The following TF variants were observed in gnomAD, a reference collection of about 807,000 sequenced individuals.
TF encodes the protein serotransferrin.
Under a neutral mutation model 82.4 loss-of-function variants are expected in TF, and 55 were observed. That is an observed-to-expected ratio of 0.67 (90% confidence interval 0.54 to 0.84). The LOEUF (loss-of-function observed/expected upper bound fraction) is 0.84, where lower values mean the gene tolerates loss of function less well. Among genes scored for constraint, TF ranks in the 40% least tolerant of loss-of-function variants. TF has a pLI of 0.00. For missense variants in TF, 737 were observed against 868.4 expected, an observed-to-expected ratio of 0.85 and a Z score of 1.90; for synonymous variants, 332 against 332.6, an observed-to-expected ratio of 1.00 and a Z score of 0.02.
intron 14 of TF, chr3:133,774,838 G>T: frequency 4.0e-6 from 1 of 247,264 alleles, no homozygotes; most frequent in Non-Finnish European, 8.1e-6. Flanking sequence ...GGAGGAAGGA[G>T]CTGAAACCCT....
the TF span, among the ~76,000 whole-genome samples, chr3:133,689,836 A>G: frequency 6.6e-6 from 1 of 152,248 alleles, no homozygotes; most frequent in Non-Finnish European, 1.5e-5. Flanking sequence ...TAGGTAAGAT[A>G]CAAGTAGATT....
At chr3:133,730,291 AT>A in the TF span, among the ~76,000 whole-genome samples, 1 of 152,130 alleles carries the variant, frequency 6.6e-6, no homozygotes, top group Non-Finnish European at 1.5e-5. Context: ...TGGAAATGGC[AT>A]TTTCACATCA....
rs1183928014 is a variant in TF at position 133,778,959 on chromosome 3, A to C, written c.*339A>C. ...TCTCCTGGGTACAGTTCAAGGAGAC[A>C]TCTTTTCTAAAAGGGTCTGCGTGAT... On this transcript the variant is annotated 3_prime_UTR_variant, in exon 17 of 17. Coordinates refer to ENST00000402696, the MANE Select transcript of TF (RefSeq NM_001063.4). 1 of 315,230 alleles carries C rather than the reference A, an allele frequency of 3.2e-6. No homozygotes were observed. Among genetic ancestry groups the C allele is most frequent in the East Asian group, 8.0e-5 (1 of 12,488 alleles). The allele number at this position is 315,230 out of a possible 1,614,324, so 19.5% of individuals were successfully genotyped here.
rs1934740970 is a variant in TF at position 133,788,405 on chromosome 3, G to T, written c.*9785G>T. On this transcript the variant is annotated 3_prime_UTR_variant, in exon 17 of 17. Coordinates refer to ENST00000402696, the MANE Select transcript of TF (RefSeq NM_001063.4). Reference sequence around the variant, plus strand: ...GAAAATTCTGTAACTGGGCTCTTGAGCCCCTAAGCACAGGCCTTCTCCCAC... The same window carrying T: ...GAAAATTCTGTAACTGGGCTCTTGATCCCCTAAGCACAGGCCTTCTCCCAC... 1 of 152,216 alleles carries T rather than the reference G, an allele frequency of 6.6e-6. No individual in the cohort carries two copies. The highest frequency in any genetic ancestry group is 1.5e-5 in the Non-Finnish European group (1 of 68,036). The allele number at this position is 152,216 out of a possible 1,614,324, so 9.4% of individuals were successfully genotyped here. A position where few individuals can be genotyped will look rare whatever the true frequency, so the allele number is the denominator to read the frequency against.
intron 1 of TF, among the ~76,000 whole-genome samples, chr3:133,746,985 T>C (rs1933520168): frequency 6.6e-6 from 1 of 151,842 alleles, no homozygotes; most frequent in Non-Finnish European, 1.5e-5. Flanking sequence ...AGGGAGGGGG[T>C]CATCACAGCA....
At chr3:133,684,971 C>T in the TF span, among the ~76,000 whole-genome samples, 10 of 152,280 alleles carry the variant, frequency 6.6e-5, no homozygotes, top group East Asian at 1.9e-3. Flanking sequence ...TACTGGCAAA[C>T]CAAATCCAGC....
At chr3:133,702,032 G>C in the TF span, 1 of 153,136 alleles carries the variant, frequency 6.5e-6, no homozygotes, top group African/African-American at 2.4e-5. Flanking sequence ...TGGTGCCTTG[G>C]CGTGCACCAT....
At chr3:133,669,449 GAGA>G in the TF span, among the ~76,000 whole-genome samples, 1 of 152,202 alleles carries the variant, frequency 6.6e-6, no homozygotes, top group South Asian at 2.1e-4. Flanking sequence ...TGCTGTTGCT[GAGA>G]AGTAGTTTCC....
At chr3:133,694,863 T>TTTAA in the TF span, among the ~76,000 whole-genome samples, 2 of 105,152 alleles carry the variant, frequency 1.9e-5, no homozygotes, top group Non-Finnish European at 3.9e-5. Flanking sequence ...TATTTATTTA[T>TTTAA]TTATTTATTT....
At position 133,792,531 on chromosome 3, in the gene TF, T is replaced by A. The variant is rs1222088451; in HGVS notation, c.*13911T>A. 1 of 152,214 alleles carries A rather than the reference T, an allele frequency of 6.6e-6. No homozygotes were observed. The allele number at this position is 152,214 out of a possible 1,614,324, so 9.4% of individuals were successfully genotyped here. A position where few individuals can be genotyped will look rare whatever the true frequency, so the allele number is the denominator to read the frequency against. ...CTTAAGTGTACTTCTCTCTGGGTCC[T>A]AGACTCCACAACTAATATATAATTA... On this transcript the variant is annotated 3_prime_UTR_variant, in exon 17 of 17. Coordinates refer to ENST00000402696, the MANE Select transcript of TF (RefSeq NM_001063.4).
the TF span, among the ~76,000 whole-genome samples, chr3:133,691,425 C>CA: frequency 2.0e-5 from 3 of 152,232 alleles, no homozygotes; most frequent in Non-Finnish European, 4.4e-5. Context: ...AACATGCCTC[C>CA]ACCTTCATGG....
chr3:133,713,187 T>C, the TF span, among the ~76,000 whole-genome samples: 2 of 152,250 alleles, frequency 1.3e-5, no homozygotes, highest in Non-Finnish European at 2.9e-5. Context: ...GGCTGGTAAG[T>C]ATATTTTAAA....
At chr3:133,726,717 T>C in the TF span, among the ~76,000 whole-genome samples, 1 of 152,212 alleles carries the variant, frequency 6.6e-6, no homozygotes, top group African/African-American at 2.4e-5. Context: ...ATGTGTTTGC[T>C]CTTGCATTTC....
At position 133,781,508 on chromosome 3, in the gene TF, C is replaced by G. The variant is rs1030605099; in HGVS notation, c.*2888C>G. ...TAAATTAATAAAAGCTACATTTAAA[C>G]CACACTTATCAAAGTAAAAAATAAT... On this transcript the variant is annotated 3_prime_UTR_variant, in exon 17 of 17. Coordinates refer to ENST00000402696, the MANE Select transcript of TF (RefSeq NM_001063.4). The G allele has an allele frequency of 6.6e-6, 1 of 151,862 alleles. No individual in the cohort carries two copies. Among genetic ancestry groups the G allele is most frequent in the Admixed American group, 6.6e-5 (1 of 15,260 alleles). 9.4% of individuals were successfully genotyped at this position (151,862 alleles called of 1,614,324 possible). A position where few individuals can be genotyped will look rare whatever the true frequency, so the allele number is the denominator to read the frequency against.
the TF span, among the ~76,000 whole-genome samples, chr3:133,676,366 G>C: frequency 6.6e-6 from 1 of 152,190 alleles, no homozygotes; most frequent in Non-Finnish European, 1.5e-5. Flanking sequence ...AATGCAAGGG[G>C]CCCCTTCCTG....
chr3:133,750,674 C>A (rs1933636628), intron 2 of TF, among the ~76,000 whole-genome samples: 1 of 152,158 alleles, frequency 6.6e-6, no homozygotes. Context: ...CCCGAGGCAC[C>A]AGTGATTTCT....
chr3:133,670,624 C>T, the TF span, among the ~76,000 whole-genome samples: 1 of 152,164 alleles, frequency 6.6e-6, no homozygotes, highest in Admixed American at 6.5e-5. Flanking sequence ...TGGTTTTTGT[C>T]CATAGGCCTG....
rs572642927 is a variant in TF at position 133,757,875 on chromosome 3, C to A, written c.977C>A (p.Pro326His). ...DSAHGFLKVP[P>H]RMDAKMYLGY... Reference sequence around the variant, plus strand: ...GCCCACGGGTTTTTAAAAGTCCCCCCCAGGATGGATGCCAAGATGTACCTG... The same window carrying A: ...GCCCACGGGTTTTTAAAAGTCCCCCACAGGATGGATGCCAAGATGTACCTG... Residue 326 changes from proline (P) to histidine (H), a missense_variant, in exon 8 of 17, where the codon CCC (proline) becomes CAC (histidine). Coordinates refer to ENST00000402696, the MANE Select transcript of TF (RefSeq NM_001063.4). The A allele has an allele frequency of 6.2e-7, 1 of 1,614,166 alleles. No homozygotes were observed. The highest frequency in any genetic ancestry group is 1.1e-5 in the South Asian group (1 of 91,082).
At chr3:133,692,667 G>A in the TF span, 5 of 152,220 alleles carry the variant, frequency 3.3e-5, no homozygotes, top group African/African-American at 9.7e-5. Flanking sequence ...TTGCAGGGGG[G>A]TGGTGAGGTC....
Sources: gnomAD v4.1 joint callset for allele counts (sites outside exome capture counted in the v4.1 genomes callset) on GRCh38, gnomAD v4.1.1 for gene constraint, MANE v1.5 for transcripts, NCBI Gene and HGNC (gene_info 2026-07-23, HGNC 2026-07-21) for gene names.